Variants in ARMC10 observed in about 807,000 individuals in gnomAD.
The protein encoded by ARMC10 is armadillo repeat containing 10.
ARMC10 carries 23 observed loss-of-function variants against 30.2 expected under a neutral mutation model. The observed-to-expected ratio is 0.76, with a 90% CI of 0.55 to 1.08. ARMC10 has a LOEUF of 1.08. Ranked by LOEUF, ARMC10 falls within the 50% of genes least tolerant of loss-of-function variation. The pLI, the probability that ARMC10 is intolerant of heterozygous loss-of-function variation, is 0.00. For missense variants in ARMC10, 303 were observed against 413.7 expected (o/e 0.73, Z 2.32); for synonymous variants, 111 against 164.4 (o/e 0.68, Z 2.48).
intron 4 of ARMC10, chr7:103,087,688 C>G: frequency 1.3e-6 from 1 of 799,744 alleles, no homozygotes; most frequent in Non-Finnish European, 1.5e-6. Context: ...AATAACCAAA[C>G]TTTATTTCCT....
chr7:103,087,898 T>G lies in ARMC10; in HGVS notation c.528+1134T>G, dbSNP rs370312492. The stretch of plus-strand genomic sequence containing the variant: ...TATGCTATGAAGCAAAAGCAGACCA[T>G]TCTTAATGTATCAAATTGGTGAGCT... On this transcript the variant is annotated intron_variant, in intron 4 of 6. Transcript: ENST00000323716. The G allele has an allele frequency of 3.2e-5, 14 of 438,454 alleles. No individual in the cohort carries two copies. The East Asian group carries it at 1.7e-3, about 54-fold the overall frequency. 27.2% of individuals were successfully genotyped at this position (438,454 alleles called of 1,614,324 possible).
chr7:103,080,192 C>T (rs564289259), intron 2 of ARMC10, among the ~76,000 whole-genome samples: 1 of 152,294 alleles, frequency 6.6e-6, no homozygotes, highest in South Asian at 2.1e-4. Context: ...TGATCGCCCT[C>T]CTGTAAAATT....
In ARMC10 at chr7:103,092,457, T is replaced by C. The variant is rs1204843689; in HGVS notation, c.529-20T>C. 7.9e-6 allele frequency: 12 copies of C among 1,526,298 alleles called. No homozygotes were observed. The highest frequency in any genetic ancestry group is 1.4e-5 in the African/African-American group (1 of 73,424). 94.5% of individuals were successfully genotyped at this position (1,526,298 alleles called of 1,614,324 possible). ...AATTTTGGAGATTCTAAGATGCTCATTTTCCTCCCCTGCCTTCAGATATAC... is the reference window on the plus strand; with the variant it reads ...AATTTTGGAGATTCTAAGATGCTCACTTTCCTCCCCTGCCTTCAGATATAC... On this transcript the variant is annotated intron_variant, in intron 4 of 6. Coordinates refer to ENST00000323716, the MANE Select transcript of ARMC10 (RefSeq NM_031905.5).
intron 3 of ARMC10, chr7:103,084,063 G>A (rs928115125): frequency 3.9e-5 from 58 of 1,478,632 alleles, no homozygotes; most frequent in East Asian, 1.9e-4. Flanking sequence ...CATCACATTC[G>A]TAAGTATATC....
chr7:103,092,517 C>G lies in ARMC10; in HGVS notation c.569C>G (p.Pro190Arg). 5.0e-6 allele frequency: 8 copies of G among 1,603,960 alleles called. No homozygotes were observed. The highest frequency in any genetic ancestry group is 6.8e-6 in the Non-Finnish European group (8 of 1,171,752). ...GTATGTGAGGATGTCTTCTCTGGTC[C>G]TCTGAACTCTGCTGTGCAGCTGGCT... ...SQVCEDVFSG[P>R]LNSAVQLAGL... The change falls in exon 5 of 7, where the codon CCT becomes CGT. Residue 190 changes from proline (P) to arginine (R), a missense_variant. Physicochemically the swap from Pro to Arg is moderately radical, Grantham distance 103. Around this residue, in one of 4 missense-constraint regions of ARMC10, gnomAD observed 170 missense variants for 207.2 expected, o/e 0.82. Transcript: ENST00000323716.
At chr7:103,075,453 AG>A (rs778652302) in intron 1 of ARMC10, 42 bp downstream of exon 1, 5 of 1,277,006 alleles carry the variant, frequency 3.9e-6, no homozygotes, top group South Asian at 3.5e-5. Flanking sequence ...GGGACTGGGC[AG>A]GGGGGCTCCC....
Position 103,092,596 on chromosome 7 carries a change from TCA to T in ARMC10, c.651_652del (p.His217GlnfsTer30). ...TTACCAATGACCACCAGCACATGCT[TCA>T]CAGTTACATTACAGACCTGTTCCAG... ...TVTNDHQHML[H>X]SYITDLFQVL... On this transcript the variant is annotated frameshift_variant, in exon 5 of 7. Coordinates refer to ENST00000323716, the MANE Select transcript of ARMC10 (RefSeq NM_031905.5). LOFTEE classifies it high-confidence loss of function. The T allele has an allele frequency of 6.2e-7, 1 of 1,608,442 alleles. No homozygotes were observed.
At chr7:103,089,116 C>A in intron 4 of ARMC10, 1 of 193,390 alleles carries the variant, frequency 5.2e-6, no homozygotes, top group East Asian at 1.4e-4. Context: ...CCAACTGTGC[C>A]CAAAACCTTT....
chr7:103,083,064 AGG>A (rs1359323958), intron 2 of ARMC10: 6 of 456,744 alleles, frequency 1.3e-5, no homozygotes, highest in African/African-American at 4.0e-5. Flanking sequence ...ATCTCTTTAT[AGG>A]TAAGTGTTCA....
rs771586158 is a variant in ARMC10, at chr7:103,092,656, A to G, written c.705+3A>G. 12 of 1,558,208 alleles carry G rather than the reference A, an allele frequency of 7.7e-6. No individual in the cohort carries two copies. The Admixed American group carries it at 1.9e-4, about 24-fold the overall frequency. ...TTACTGGAAATGGAAACACGAAGGT[A>G]TGAAGAGCTATTGTGTCAAGCTTAT... On this transcript the variant is annotated splice_donor_region_variant and intron_variant, in intron 5 of 6. Coordinates refer to ENST00000323716, the MANE Select transcript of ARMC10 (RefSeq NM_031905.5).
At chr7:103,091,917 C>A (rs1179123244) in intron 4 of ARMC10, among the ~76,000 whole-genome samples, 1 of 152,178 alleles carries the variant, frequency 6.6e-6, no homozygotes, top group African/African-American at 2.4e-5. Flanking sequence ...TAGTACAACA[C>A]CCAACTCATT....
At chr7:103,095,543 T>C (rs537693313) in intron 5 of ARMC10, among the ~76,000 whole-genome samples, 8 of 68,446 alleles carry the variant, frequency 1.2e-4, no homozygotes, top group African/African-American at 2.6e-4. Context: ...AATATCCAGG[T>C]TCCTTCCCAG....
At chr7:103,095,200 A>C (rs1387774407) in intron 5 of ARMC10, among the ~76,000 whole-genome samples, 1 of 152,154 alleles carries the variant, frequency 6.6e-6, no homozygotes, top group Non-Finnish European at 1.5e-5. Flanking sequence ...TTCCAGGCTC[A>C]AACAATCCTC....
rs1317657630 is a variant in ARMC10 at position 103,092,512 on chromosome 7, T to C, written c.564T>C (p.Ser188=). ...YISQVCEDVF[S]GPLNSAVQLA... ...GTCAAGTATGTGAGGATGTCTTCTC[T>C]GGTCCTCTGAACTCTGCTGTGCAGC... The change falls in exon 5 of 7, where the codon TCT becomes TCC. Residue 188 remains serine, a synonymous_variant. Coordinates refer to ENST00000323716, the MANE Select transcript of ARMC10 (RefSeq NM_031905.5). 2 of 1,597,150 alleles carry C rather than the reference T, an allele frequency of 1.3e-6. No individual in the cohort carries two copies. Among genetic ancestry groups the C allele is most frequent in the Admixed American group, 3.3e-5 (2 of 59,728 alleles).
At chr7:103,083,022 A>G (rs1227323263) in intron 2 of ARMC10, 1 of 456,372 alleles carries the variant, frequency 2.2e-6, no homozygotes, top group African/African-American at 2.0e-5. Flanking sequence ...CTCAGAAAAG[A>G]TCTGCTTAAT....
chr7:103,092,961 C>T (rs925520085), intron 5 of ARMC10, among the ~76,000 whole-genome samples: 1 of 149,594 alleles, frequency 6.7e-6, no homozygotes, highest in African/African-American at 2.4e-5. Context: ...ATTTTGCTTA[C>T]CTCAGGGTTA....
At chr7:103,087,473 A>C (rs1324209920) in intron 4 of ARMC10, among the ~76,000 whole-genome samples, 1 of 152,238 alleles carries the variant, frequency 6.6e-6, no homozygotes, top group Non-Finnish European at 1.5e-5. Context: ...GTAAATGCCA[A>C]CAGTTAAAAC....
chr7:103,078,140 T>C (rs1272121853), intron 2 of ARMC10, among the ~76,000 whole-genome samples: 1 of 152,070 alleles, frequency 6.6e-6, no homozygotes, highest in African/African-American at 2.4e-5. Context: ...AGATGACAGG[T>C]ACACACCATG....
chr7:103,092,741 G>T (rs904115972), intron 5 of ARMC10, 88 bp downstream of exon 5: 4 of 991,448 alleles, frequency 4.0e-6, no homozygotes, highest in African/African-American at 1.7e-5. Flanking sequence ...CAAAGAGGAA[G>T]ATTTATTAAA....
Sources: allele counts gnomAD v4.1 joint callset (sites outside exome capture counted in the v4.1 genomes callset), GRCh38; gene constraint gnomAD v4.1.1; regional missense constraint gnomAD v4.1.1; transcripts MANE v1.5; gene names NCBI Gene and HGNC (gene_info 2026-07-23, HGNC 2026-07-21).